SGCZ: variants seen among roughly 807,000 people sequenced by gnomAD.
SGCZ encodes zeta-sarcoglycan.
Under a neutral mutation model 41.3 loss-of-function variants are expected in SGCZ, and 40 were observed. That is an observed-to-expected ratio of 0.97 (90% CI 0.75 to 1.26). The LOEUF is 1.26. SGCZ is among the 50% of genes most tolerant of loss of function. The pLI is 0.00. For missense variants in SGCZ, 552 were observed against 369.8 expected (o/e 1.49, Z -4.04); for synonymous variants, 206 against 137.5 (o/e 1.50, Z -3.49).
chr8:14,669,357 C>CTAAGTAAGTAAGTAAGTAAGTAAG (rs75686503), intron 1 of SGCZ, among the ~76,000 whole-genome samples: 2,886 of 146,520 alleles, frequency 0.02, 45 homozygotes, highest in South Asian at 0.031. Flanking sequence ...GACCCTGTCT[C>CTAAGTAAGTAAGTAAGTAAGTAAG]TAAGTAAGTA....
intron 1 of SGCZ, among the ~76,000 whole-genome samples, chr8:15,132,503 A>G (rs568228149): frequency 1.3e-5 from 2 of 152,340 alleles, no homozygotes; most frequent in African/African-American, 2.4e-5. Flanking sequence ...GAAGGTTTAC[A>G]TGAGAGGGAA....
chr8:14,521,297 A>G (rs1052694093), intron 2 of SGCZ, among the ~76,000 whole-genome samples: 1 of 152,138 alleles, frequency 6.6e-6, no homozygotes, highest in Non-Finnish European at 1.5e-5. Flanking sequence ...AATAATTCAA[A>G]TCATTAAAAT....
chr8:14,241,672 C>A (rs1174119141), intron 3 of SGCZ, among the ~76,000 whole-genome samples: 1 of 151,882 alleles, frequency 6.6e-6, no homozygotes, highest in South Asian at 2.1e-4. Flanking sequence ...GCCTCTAGCT[C>A]TAGAGGACAT....
chr8:14,151,360 A>G (rs1415130726), intron 5 of SGCZ, among the ~76,000 whole-genome samples: 1 of 152,104 alleles, frequency 6.6e-6, no homozygotes, highest in Non-Finnish European at 1.5e-5. Flanking sequence ...AATCACTTCA[A>G]AGCCAAATTA....
intron 1 of SGCZ, among the ~76,000 whole-genome samples, chr8:15,233,203 A>G (rs1802012235): frequency 6.6e-6 from 1 of 151,856 alleles, no homozygotes; most frequent in Non-Finnish European, 1.5e-5. Context: ...TTTGTTAGAG[A>G]GTACTATTTT....
At chr8:14,744,680 A>C (rs997716995) in intron 1 of SGCZ, among the ~76,000 whole-genome samples, 6 of 152,180 alleles carry the variant, frequency 3.9e-5, no homozygotes, top group African/African-American at 1.4e-4. Context: ...CTTAATAGTA[A>C]CACTTGCAGA....
At chr8:15,035,158 G>A (rs1042665975) in intron 1 of SGCZ, among the ~76,000 whole-genome samples, 8 of 151,906 alleles carry the variant, frequency 5.3e-5, no homozygotes, top group Non-Finnish European at 1.2e-4. Flanking sequence ...ACTTGCTAGG[G>A]GAAACACAAT....
intron 1 of SGCZ, among the ~76,000 whole-genome samples, chr8:15,186,555 G>C (rs1190999699): frequency 6.6e-6 from 1 of 152,022 alleles, no homozygotes; most frequent in Admixed American, 6.6e-5. Context: ...ATTACCCTTG[G>C]AGCTTTGAAA....
At chr8:15,038,103 A>T (rs1040136928) in intron 1 of SGCZ, among the ~76,000 whole-genome samples, 5 of 152,244 alleles carry the variant, frequency 3.3e-5, no homozygotes, top group African/African-American at 1.2e-4. Context: ...ATATAAAAAA[A>T]AATCTAAAAT....
At chr8:14,501,721 G>A (rs75359920) in intron 2 of SGCZ, among the ~76,000 whole-genome samples, 3,898 of 151,646 alleles carry the variant, frequency 0.026, 110 homozygotes, top group African/African-American at 0.07. Flanking sequence ...CTTGCTGAGT[G>A]ATGCCTGGCT....
chr8:14,909,176 T>G (rs891382539), intron 1 of SGCZ, among the ~76,000 whole-genome samples: 2 of 152,154 alleles, frequency 1.3e-5, no homozygotes. Flanking sequence ...TTATATCAAT[T>G]ACTATAATTT....
At chr8:14,184,058 G>A (rs930844632) in intron 4 of SGCZ, among the ~76,000 whole-genome samples, 1 of 152,102 alleles carries the variant, frequency 6.6e-6, no homozygotes, top group Non-Finnish European at 1.5e-5. Flanking sequence ...TGTGCATTAT[G>A]CACAACAGAA....
At chr8:14,454,331 C>A (rs996324699) in intron 2 of SGCZ, among the ~76,000 whole-genome samples, 1 of 152,090 alleles carries the variant, frequency 6.6e-6, no homozygotes. Flanking sequence ...GAAGCCAACA[C>A]GGGAAACATG....
rs113549992 is a variant in SGCZ at position 14,193,272 on chromosome 8, C to T, written c.425-28570G>A. ...TTTGTTATTTGTGATATATTTTTTTCATTTTTAGCAGAGGCAAGCACAAAT... is the reference window on the plus strand; with the variant it reads ...TTTGTTATTTGTGATATATTTTTTTTATTTTTAGCAGAGGCAAGCACAAAT... On this transcript the variant is annotated intron_variant, in intron 4 of 7. Coordinates refer to ENST00000382080, the MANE Select transcript of SGCZ (RefSeq NM_139167.4). Among the ~76,000 whole-genome samples the T allele has an allele frequency of 9.9e-5, 15 of 151,734 alleles. No homozygotes were observed. The East Asian group carries it at 1.5e-3, about 16-fold the overall frequency.
At chr8:14,104,588 G>T (rs557768581) in intron 6 of SGCZ, among the ~76,000 whole-genome samples, 2 of 152,042 alleles carry the variant, frequency 1.3e-5, no homozygotes, top group South Asian at 4.1e-4. Context: ...GAAAAGGAAA[G>T]GAAAGAAAGC....
At chr8:14,998,323 C>T (rs771943053) in intron 1 of SGCZ, among the ~76,000 whole-genome samples, 3 of 152,166 alleles carry the variant, frequency 2.0e-5, no homozygotes, top group Non-Finnish European at 4.4e-5. Flanking sequence ...ACAAATACTC[C>T]TTGATAGAAA....
At chr8:14,846,079 T>C (rs1022539011) in intron 1 of SGCZ, among the ~76,000 whole-genome samples, 5 of 152,158 alleles carry the variant, frequency 3.3e-5, no homozygotes, top group Non-Finnish European at 5.9e-5. Flanking sequence ...TATATAATTA[T>C]AGCAAAAGAT....
intron 1 of SGCZ, among the ~76,000 whole-genome samples, chr8:14,979,873 C>T (rs950959190): frequency 1.3e-5 from 2 of 152,148 alleles, no homozygotes; most frequent in African/African-American, 2.4e-5. Context: ...TAGTAAATTT[C>T]GTAAATCTAG....
chr8:14,983,442 C>T (rs1032421508), intron 1 of SGCZ, among the ~76,000 whole-genome samples: 3 of 152,052 alleles, frequency 2.0e-5, no homozygotes, highest in South Asian at 2.1e-4. Context: ...TGCAGTGGTG[C>T]GATCTTGGCT....
Sources: allele counts gnomAD v4.1 joint callset (sites outside exome capture counted in the v4.1 genomes callset), GRCh38; gene constraint gnomAD v4.1.1; transcripts MANE v1.5; gene names NCBI Gene and HGNC (gene_info 2026-07-23, HGNC 2026-07-21).